The following EYA1 variants were observed in gnomAD, a reference collection of about 807,000 sequenced individuals.
The protein encoded by EYA1 is EYA transcriptional coactivator and phosphatase 1, also known as protein phosphatase EYA1.
In EYA1, 16 loss-of-function variants were observed where a neutral mutation model predicts 82.0. That is an observed-to-expected ratio of 0.20 (90% CI 0.13 to 0.30). The LOEUF is 0.30. Among genes scored for constraint, EYA1 ranks in the 10% least tolerant of loss-of-function variants. The pLI, the probability that EYA1 is intolerant of heterozygous loss-of-function variation, is 1.00. For missense variants in EYA1, 633 were observed against 730.7 expected (o/e 0.87, Z 1.54); for synonymous variants, 261 against 264.4 (o/e 0.99, Z 0.12).
chr8:71,419,497 T>A (rs1357277875), intron 2 of EYA1, among the ~76,000 whole-genome samples: 2 of 152,152 alleles, frequency 1.3e-5, no homozygotes, highest in African/African-American at 4.8e-5. Context: ...TTTCTTTTCA[T>A]AAAGACTGTC....
At chr8:71,427,978 CAAAAA>C (rs66707741) in intron 2 of EYA1, among the ~76,000 whole-genome samples, 1 of 140,332 alleles carries the variant, frequency 7.1e-6, no homozygotes, top group African/African-American at 2.6e-5. Flanking sequence ...GACCTTGTCT[CAAAAA>C]AAAAAAAAAG....
chr8:71,394,848 T>A (rs1829493875), intron 2 of EYA1, among the ~76,000 whole-genome samples: 1 of 152,176 alleles, frequency 6.6e-6, no homozygotes. Context: ...GGTAGCTTGA[T>A]GGGGATGGCA....
chr8:71,487,712 G>A (rs569043382), intron 2 of EYA1, among the ~76,000 whole-genome samples: 62 of 152,076 alleles, frequency 4.1e-4, no homozygotes, highest in Admixed American at 9.2e-4. Context: ...AATGACTAAC[G>A]GGCATAAGAA....
intron 2 of EYA1, among the ~76,000 whole-genome samples, chr8:71,370,165 A>G (rs185921050): frequency 2.0e-5 from 3 of 152,216 alleles, no homozygotes; most frequent in Admixed American, 1.3e-4. Flanking sequence ...AATTAATTTA[A>G]AAATTTAAAA....
At position 71,199,388 on chromosome 8, in the gene EYA1, G is replaced by A. The variant is rs995839854; in HGVS notation, c.1731C>T (p.His577=). ...HAMPFWRISS[H]SDLMALHHAL... is the part of the protein sequence containing the mutation. ...CATGGTGCAGGGCCATGAGGTCCGA[G>A]TGGCTGGAGATCCTCCAGAAGGGCA... is the stretch of plus-strand genomic sequence containing the variant. Residue 577 remains histidine, a synonymous_variant, in exon 18 of 18, where the codon CAC becomes CAT. Coordinates refer to ENST00000340726, the MANE Select transcript of EYA1 (RefSeq NM_000503.6). 1.2e-6 allele frequency: 2 copies of A among 1,613,370 alleles called. No homozygotes were observed. Among genetic ancestry groups the A allele is most frequent in the Non-Finnish European group, 8.5e-7 (1 of 1,179,880 alleles).
chr8:71,280,071 T>A (rs950499260), intron 9 of EYA1, among the ~76,000 whole-genome samples: 1 of 152,200 alleles, frequency 6.6e-6, no homozygotes, highest in African/African-American at 2.4e-5. Context: ...GATTTTTTGA[T>A]TTCATCTCTA....
At chr8:71,242,409 T>C (rs1226758144) in intron 12 of EYA1, among the ~76,000 whole-genome samples, 7 of 152,290 alleles carry the variant, frequency 4.6e-5, no homozygotes, top group Admixed American at 6.5e-5. Flanking sequence ...GTTTTATATA[T>C]TTGGTTGAAT....
In EYA1 at chr8:71,197,959, G is replaced by A; in HGVS notation, c.*1381C>T. ...ATGTAGTACATAATGCAGGTGGAGAGGAACGTTGTTTCCATGGTGATGACA... is the reference window on the plus strand; with the variant it reads ...ATGTAGTACATAATGCAGGTGGAGAAGAACGTTGTTTCCATGGTGATGACA... On this transcript the variant is annotated 3_prime_UTR_variant, in exon 18 of 18. Coordinates refer to ENST00000340726, the MANE Select transcript of EYA1 (RefSeq NM_000503.6). 1 of 152,192 alleles carries A rather than the reference G, an allele frequency of 6.6e-6. No homozygotes were observed. The highest frequency in any genetic ancestry group is 1.9e-4 in the East Asian group (1 of 5,204). The allele number at this position is 152,192 out of a possible 1,614,324, so 9.4% of individuals were successfully genotyped here. A position where few individuals can be genotyped will look rare whatever the true frequency, so the allele number is the denominator to read the frequency against.
In EYA1 at chr8:71,322,260, T is replaced by C; in HGVS notation, c.211A>G (p.Ser71Gly). The C allele has an allele frequency of 1.2e-6, 2 of 1,613,692 alleles. No homozygotes were observed. Among genetic ancestry groups the C allele is most frequent in the Non-Finnish European group, 1.7e-6 (2 of 1,179,712 alleles). The change falls in exon 5 of 18, where the codon AGC (serine) becomes GGC (glycine). Residue 71 changes from serine (S) to glycine (G), a missense_variant. Physicochemically the swap from Ser to Gly is moderately conservative, Grantham distance 56 (BLOSUM62 0). Coordinates refer to ENST00000340726, the MANE Select transcript of EYA1 (RefSeq NM_000503.6). ...LNNFSGSAIG[S>G]SSFSPRPTHQ... ...GTTGGTCGTGGGCTGAAACTACTGCTCCCAATTGCTGGAAAACAAAAACAA... is the reference window on the plus strand; with the variant it reads ...GTTGGTCGTGGGCTGAAACTACTGCCCCCAATTGCTGGAAAACAAAAACAA...
In EYA1 at chr8:71,199,131, G is replaced by A. The variant is rs779125746; in HGVS notation, c.*209C>T. On this transcript the variant is annotated 3_prime_UTR_variant, in exon 18 of 18. Coordinates refer to ENST00000340726, the MANE Select transcript of EYA1 (RefSeq NM_000503.6). Reference sequence around the variant, plus strand: ...ACATTCTCATGGCTTATTTTCACTGGATTCACAGTACTAGAGTCAACAGCT... The same window carrying A: ...ACATTCTCATGGCTTATTTTCACTGAATTCACAGTACTAGAGTCAACAGCT... 38 of 621,630 alleles carry A rather than the reference G, an allele frequency of 6.1e-5. No individual in the cohort carries two copies. The highest frequency in any genetic ancestry group is 3.8e-5 in the Non-Finnish European group (13 of 342,176). The allele number at this position is 621,630 out of a possible 1,614,324, so 38.5% of individuals were successfully genotyped here.
At chr8:71,265,861 A>G (rs887425101) in intron 11 of EYA1, among the ~76,000 whole-genome samples, 8 of 152,180 alleles carry the variant, frequency 5.3e-5, no homozygotes, top group Admixed American at 3.3e-4. Flanking sequence ...ATTTCCTAAC[A>G]TCTTACTTGT....
At chr8:71,346,452 A>ATATATATATATATATATATATC (rs1011248214) in intron 3 of EYA1, among the ~76,000 whole-genome samples, 1 of 134,650 alleles carries the variant, frequency 7.4e-6, no homozygotes. Flanking sequence ...ATATATATAT[A>ATATATATATATATATATATATC]TATCTATATA....
chr8:71,465,309 G>A (rs550483906), intron 2 of EYA1, among the ~76,000 whole-genome samples: 21 of 152,190 alleles, frequency 1.4e-4, no homozygotes, highest in Non-Finnish European at 2.1e-4. Flanking sequence ...AACTGGCCAC[G>A]CCATCAAAGA....
At chr8:71,361,588 G>A in intron 1 of EYA1, 59 bp downstream of exon 1, 1 of 864,176 alleles carries the variant, frequency 1.2e-6, no homozygotes, top group Non-Finnish European at 1.4e-6. Context: ...CTTGGGCTTT[G>A]CCCACAGGAC....
At chr8:71,278,475 C>G (rs972246663) in intron 9 of EYA1, among the ~76,000 whole-genome samples, 1 of 152,166 alleles carries the variant, frequency 6.6e-6, no homozygotes, top group Non-Finnish European at 1.5e-5. Flanking sequence ...AAAGTCATTG[C>G]TATTTATCAT....
chr8:71,321,594 A>C (rs1822553733), intron 6 of EYA1, 140 bp downstream of exon 6: 1 of 1,113,720 alleles, frequency 9.0e-7, no homozygotes, highest in Non-Finnish European at 1.3e-6. Flanking sequence ...CTTTAGAAAC[A>C]ATCATACTAA....
intron 7 of EYA1, among the ~76,000 whole-genome samples, chr8:71,308,033 T>C (rs1014610682): frequency 7.2e-5 from 11 of 152,204 alleles, no homozygotes; most frequent in African/African-American, 2.2e-4. Context: ...ATTTCCAACA[T>C]CATCATGTGA....
chr8:71,397,983 C>A (rs1421422536), intron 2 of EYA1, among the ~76,000 whole-genome samples: 1 of 152,140 alleles, frequency 6.6e-6, no homozygotes, highest in Middle Eastern at 3.2e-3. Context: ...AGGCTTTGTT[C>A]ATTTCTTTTT....
At chr8:71,298,946 G>C in intron 9 of EYA1, 101 bp downstream of exon 9, 1 of 1,174,838 alleles carries the variant, frequency 8.5e-7, no homozygotes, top group Non-Finnish European at 1.3e-6. Flanking sequence ...GCCAAAAGCT[G>C]CCAAAATTGT....
Sources: allele counts gnomAD v4.1 joint callset (sites outside exome capture counted in the v4.1 genomes callset), GRCh38; gene constraint gnomAD v4.1.1; transcripts MANE v1.5; gene names NCBI Gene and HGNC (gene_info 2026-07-23, HGNC 2026-07-21).